KMT2C: variants seen among roughly 807,000 people sequenced by gnomAD.
KMT2C encodes histone-lysine N-methyltransferase 2C.
A neutral mutation model predicts 507.9 loss-of-function variants in KMT2C; 88 were observed. The ratio of observed to expected loss-of-function variants is 0.17; its 90% CI spans 0.15 to 0.21. The LOEUF is 0.21. Ranked by LOEUF, KMT2C falls within the 10% of genes least tolerant of loss-of-function variation. The pLI, the probability that KMT2C is intolerant of heterozygous loss-of-function variation, is 1.00. For missense variants in KMT2C, 4,954 were observed against 5,957.8 expected (o/e 0.83, Z 5.55); for synonymous variants, 2,049 against 2,080.8 (o/e 0.98, Z 0.42).
At chr7:152,366,591 G>A (rs1252772236) in intron 1 of KMT2C, among the ~76,000 whole-genome samples, 1 of 152,170 alleles carries the variant, frequency 6.6e-6, no homozygotes, top group Non-Finnish European at 1.5e-5. Flanking sequence ...GAGGCTGAGA[G>A]AAGGGAGAAA....
chr7:152,434,043 T>TAA (rs1326080273), intron 1 of KMT2C, among the ~76,000 whole-genome samples: 1 of 152,200 alleles, frequency 6.6e-6, no homozygotes. Flanking sequence ...GCAATCAAGG[T>TAA]AAAACCCCAA....
At chr7:152,239,307 A>G (rs2095340947) in intron 14 of KMT2C, among the ~76,000 whole-genome samples, 2 of 152,216 alleles carry the variant, frequency 1.3e-5, no homozygotes, top group Non-Finnish European at 2.9e-5. Flanking sequence ...CAAAGAATGC[A>G]AGGAGAAACA....
intron 1 of KMT2C, among the ~76,000 whole-genome samples, chr7:152,395,811 T>C (rs2097534937): frequency 6.6e-6 from 1 of 152,304 alleles, no homozygotes; most frequent in South Asian, 2.1e-4. Context: ...TAAATATTAA[T>C]ATATATAACT....
chr7:152,171,720 A>G (rs1424585095), intron 39 of KMT2C, among the ~76,000 whole-genome samples: 2 of 152,230 alleles, frequency 1.3e-5, no homozygotes, highest in Non-Finnish European at 2.9e-5. Context: ...GAATAAAAAT[A>G]AGTTGATTTA....
intron 23 of KMT2C, among the ~76,000 whole-genome samples, chr7:152,211,308 A>G (rs1168023461): frequency 6.6e-6 from 1 of 152,232 alleles, no homozygotes; most frequent in Non-Finnish European, 1.5e-5. Context: ...TCAGAAGTAT[A>G]TAATGCTCAA....
chr7:152,254,050 G>A (rs79924163), intron 9 of KMT2C, among the ~76,000 whole-genome samples: 1 of 152,098 alleles, frequency 6.6e-6, no homozygotes, highest in Non-Finnish European at 1.5e-5. Context: ...CACTTAAAAA[G>A]AGAAACTACC....
chr7:152,188,575 CAA>C (rs35832014), intron 31 of KMT2C, among the ~76,000 whole-genome samples: 7 of 110,246 alleles, frequency 6.3e-5, no homozygotes, highest in Admixed American at 9.6e-5. Flanking sequence ...CTCTTAATAC[CAA>C]AAAAAAAAAA....
intron 6 of KMT2C, among the ~76,000 whole-genome samples, chr7:152,298,448 C>CAA (rs1355723397): frequency 2.0e-5 from 3 of 152,138 alleles, no homozygotes; most frequent in Non-Finnish European, 4.4e-5. Flanking sequence ...AGAACAACAT[C>CAA]AGATTTCTTT....
At chr7:152,393,569 C>T (rs2097517036) in intron 1 of KMT2C, among the ~76,000 whole-genome samples, 1 of 152,182 alleles carries the variant, frequency 6.6e-6, no homozygotes, top group African/African-American at 2.4e-5. Context: ...CTCACCCTCA[C>T]TTGTATCTAG....
chr7:152,306,344 C>T (rs1454747369), intron 6 of KMT2C, among the ~76,000 whole-genome samples: 6 of 152,140 alleles, frequency 3.9e-5, no homozygotes, highest in Admixed American at 2.6e-4. Context: ...GTTATACTGA[C>T]AAATATACTC....
intron 1 of KMT2C, among the ~76,000 whole-genome samples, chr7:152,402,071 T>C (rs928679304): frequency 2.0e-5 from 3 of 151,820 alleles, no homozygotes; most frequent in Non-Finnish European, 4.4e-5. Flanking sequence ...GATCGCGCCA[T>C]TGCACTCCAG....
intron 6 of KMT2C, among the ~76,000 whole-genome samples, chr7:152,299,983 A>G (rs1250970239): frequency 6.6e-6 from 1 of 152,118 alleles, no homozygotes; most frequent in Non-Finnish European, 1.5e-5. Flanking sequence ...TAAACACAAC[A>G]TTTTTCTACT....
intron 1 of KMT2C, among the ~76,000 whole-genome samples, chr7:152,417,112 G>C (rs2097747120): frequency 6.7e-6 from 1 of 150,070 alleles, no homozygotes; most frequent in Admixed American, 6.7e-5. Context: ...TTTATTGCTT[G>C]CTAAGGCATC....
intron 14 of KMT2C, among the ~76,000 whole-genome samples, chr7:152,239,377 A>G (rs2095342419): frequency 6.6e-6 from 1 of 152,194 alleles, no homozygotes. Flanking sequence ...TTAAAATGCA[A>G]ATACCATTAT....
At chr7:152,233,649 T>C (rs2095190991) in intron 16 of KMT2C, among the ~76,000 whole-genome samples, 1 of 152,096 alleles carries the variant, frequency 6.6e-6, no homozygotes, top group Non-Finnish European at 1.5e-5. Context: ...AGATGCAAAT[T>C]ATTAGTATCA....
chr7:152,237,493 GT>G (rs1301136534), intron 15 of KMT2C, among the ~76,000 whole-genome samples: 2 of 86,806 alleles, frequency 2.3e-5, no homozygotes, highest in African/African-American at 4.1e-5. Flanking sequence ...TTTTTTGGGG[GT>G]TTTTTTTGTT....
chr7:152,233,250 T>C (rs2095176611), intron 16 of KMT2C, among the ~76,000 whole-genome samples: 2 of 152,190 alleles, frequency 1.3e-5, no homozygotes, highest in African/African-American at 4.8e-5. Context: ...GTTAGACTGC[T>C]AGAAAAATAA....
chr7:152,252,715 T>A lies in KMT2C; in HGVS notation c.1300A>T (p.Asn434Tyr). The A allele has an allele frequency of 6.3e-7, 1 of 1,584,084 alleles. No homozygotes were observed. The highest frequency in any genetic ancestry group is 8.6e-7 in the Non-Finnish European group (1 of 1,160,072). The change falls in exon 10 of 59, where the codon AAT becomes TAT. Residue 434 changes from asparagine to tyrosine, a missense_variant and splice_region_variant. Asn to Tyr is a moderately radical substitution (Grantham distance 143). Coordinates refer to ENST00000262189, the MANE Select transcript of KMT2C (RefSeq NM_170606.3). ...CCACACTCTATACATATTCTGCAAT[T>A]CTAAACACCAGGAAAAATAAAAACA... ...SVPTNGWKCK[N>Y]CRICIECGTR...
chr7:152,303,056 T>A (rs2096585100), intron 6 of KMT2C, among the ~76,000 whole-genome samples: 1 of 152,140 alleles, frequency 6.6e-6, no homozygotes, highest in African/African-American at 2.4e-5. Context: ...GGTAGCACCC[T>A]GAGAGCTTCA....
Sources: allele counts gnomAD v4.1 joint callset (sites outside exome capture counted in the v4.1 genomes callset), GRCh38; gene constraint gnomAD v4.1.1; transcripts MANE v1.5; gene names NCBI Gene and HGNC (gene_info 2026-07-23, HGNC 2026-07-21).